DDX46: variants seen among roughly 807,000 people sequenced by gnomAD.
DDX46 encodes DEAD-box helicase 46, also known as probable ATP-dependent RNA helicase DDX46.
In DDX46, 30 loss-of-function variants were observed where a neutral mutation model predicts 134.9. The observed-to-expected ratio is 0.22, with a 90% CI of 0.17 to 0.30. The LOEUF (loss-of-function observed/expected upper bound fraction) is 0.30, where lower values mean the gene tolerates loss of function less well. Ranked by LOEUF, DDX46 falls within the 10% of genes least tolerant of loss-of-function variation. DDX46 has a pLI of 1.00. For synonymous variants in DDX46, 415 were observed against 404.1 expected (o/e 1.03, Z -0.32); for missense variants, 622 against 1,248.7 (o/e 0.50, Z 7.56).
chr5:134,764,572 C>T (rs1234831293), intron 2 of DDX46, among the ~76,000 whole-genome samples: 2 of 152,088 alleles, frequency 1.3e-5, no homozygotes, highest in Non-Finnish European at 2.9e-5. Flanking sequence ...TGTGAGCCAC[C>T]GTGTCCGACC....
intron 3 of DDX46, among the ~76,000 whole-genome samples, chr5:134,769,863 A>G (rs1024706576): frequency 6.6e-6 from 1 of 152,060 alleles, no homozygotes; most frequent in African/African-American, 2.4e-5. Context: ...GGGTTTCACC[A>G]TATTGGCCAG....
rs1267027859 is a variant in DDX46 at position 134,767,019 on chromosome 5, A to G, written c.309A>G (p.Arg103=). 1 of 1,614,020 alleles carries G rather than the reference A, an allele frequency of 6.2e-7. No individual in the cohort carries two copies. Among genetic ancestry groups the G allele is most frequent in the Non-Finnish European group, 8.5e-7 (1 of 1,179,976 alleles). ...SRSRSRGRRS[R]SSSPGNKSKK... ...GTAGAAGCCGGGGCCGGCGATCCCGATCCTCCAGTCCTGGAAATAAAAGCA... is the reference window on the plus strand; with the variant it reads ...GTAGAAGCCGGGGCCGGCGATCCCGGTCCTCCAGTCCTGGAAATAAAAGCA... Residue 103 remains arginine (R), a synonymous_variant, in exon 3 of 23, where the codon CGA becomes CGG. Coordinates refer to ENST00000452510, the MANE Select transcript of DDX46 (RefSeq NM_001300860.2).
chr5:134,772,114 C>T (rs890741990), intron 4 of DDX46, among the ~76,000 whole-genome samples: 1 of 152,118 alleles, frequency 6.6e-6, no homozygotes, highest in African/African-American at 2.4e-5. Context: ...GCCTGTAATC[C>T]CAGCTACTTG....
At position 134,785,620 on chromosome 5, in the gene DDX46, C is replaced by T. The variant is rs748328592; in HGVS notation, c.1464+34C>T. The T allele has an allele frequency of 3.2e-6, 5 of 1,568,584 alleles. No homozygotes were observed. The South Asian group carries it at 6.0e-5, about 19-fold the overall frequency. ...ATAAGAAACATTCATGTTTTCCATT[C>T]TTTTCTCAAGTTGGATGATTCAATA... On this transcript the variant is annotated intron_variant, in intron 11 of 22. Transcript: ENST00000452510.
At chr5:134,770,288 G>A (rs1451766179) in intron 3 of DDX46, among the ~76,000 whole-genome samples, 2 of 150,012 alleles carry the variant, frequency 1.3e-5, no homozygotes, top group South Asian at 4.2e-4. Flanking sequence ...ATAGCTGACT[G>A]CAGCCTCGAA....
chr5:134,830,690 A>C lies in DDX46; in HGVS notation c.*1984A>C, dbSNP rs1355370121. ...ACACATCCACTTAATTTCTTGAAGG[A>C]AGAAAACAGACAAAAGACATGTAAC... On this transcript the variant is annotated 3_prime_UTR_variant, in exon 23 of 23. Transcript: ENST00000452510. The C allele has an allele frequency of 6.6e-6, 1 of 152,662 alleles. No individual in the cohort carries two copies. The highest frequency in any genetic ancestry group is 1.9e-4 in the East Asian group (1 of 5,208). 9.5% of individuals were successfully genotyped at this position (152,662 alleles called of 1,614,324 possible).
rs548975735 is a variant in DDX46, at chr5:134,812,506, C to T, written c.2436+661C>T. Among the ~76,000 whole-genome samples, 58 of 152,170 alleles carry T rather than the reference C, an allele frequency of 3.8e-4. 2 individuals are homozygous for T. The East Asian group carries it at 7.7e-3, about 20-fold the overall frequency. ...ATAATTTTGGAAATCAGAAATTCAA[C>T]CTGATCTTATCATTAGGAAATTGAC... is the stretch of plus-strand genomic sequence containing the variant. On this transcript the variant is annotated intron_variant, in intron 18 of 22. Transcript: ENST00000452510.
In DDX46 at chr5:134,764,313, C is replaced by G. The variant is rs142331813; in HGVS notation, c.206+221C>G. The stretch of plus-strand genomic sequence containing the variant: ...TTTAATCTTTTTTGAGACAGAGCCT[C>G]ACTCTGTTGCTCAGACTGGAGTGCA... On this transcript the variant is annotated intron_variant, in intron 2 of 22. Coordinates refer to ENST00000452510, the MANE Select transcript of DDX46 (RefSeq NM_001300860.2). Among the ~76,000 whole-genome samples, 503 of 150,794 alleles carry G rather than the reference C, an allele frequency of 3.3e-3. 1 individual carries two copies. The highest frequency in any genetic ancestry group is 0.012 in the African/African-American group (482 of 41,116).
At chr5:134,787,419 G>A (rs1012362691) in intron 11 of DDX46, among the ~76,000 whole-genome samples, 3 of 152,146 alleles carry the variant, frequency 2.0e-5, no homozygotes, top group South Asian at 4.1e-4. Context: ...CTAGATAAAT[G>A]GGATAAATTA....
chr5:134,783,409 A>G (rs935977022), intron 9 of DDX46, among the ~76,000 whole-genome samples: 2 of 124,710 alleles, frequency 1.6e-5, no homozygotes, highest in Non-Finnish European at 3.4e-5. Context: ...GTGTGCCACC[A>G]TAGCTGGTTA....
chr5:134,822,922 C>T lies in DDX46; in HGVS notation c.2977+3918C>T, dbSNP rs554047098. ...CATTCTGTATTCTTCAACATAGATT[C>T]ATAATTATTTTATGTAATTTTTAAA... On this transcript the variant is annotated intron_variant, in intron 21 of 22. Coordinates refer to ENST00000452510, the MANE Select transcript of DDX46 (RefSeq NM_001300860.2). Among the ~76,000 whole-genome samples, 4 of 152,140 alleles carry T rather than the reference C, an allele frequency of 2.6e-5. No individual in the cohort carries two copies. In the South Asian group the frequency reaches 8.3e-4, roughly 32 times the overall value.
chr5:134,790,118 G>A (rs973678017), intron 12 of DDX46: 3 of 474,702 alleles, frequency 6.3e-6, no homozygotes, highest in African/African-American at 5.9e-5. Context: ...GATGCTGTCA[G>A]ATAATGGCTG....
intron 18 of DDX46, among the ~76,000 whole-genome samples, chr5:134,814,039 A>G (rs1186768878): frequency 6.6e-6 from 1 of 152,214 alleles, no homozygotes; most frequent in Non-Finnish European, 1.5e-5. Context: ...ACATTATGGT[A>G]GTTTCCTCTT....
chr5:134,814,083 G>A (rs1304921172), intron 18 of DDX46, among the ~76,000 whole-genome samples: 1 of 152,182 alleles, frequency 6.6e-6, no homozygotes, highest in Non-Finnish European at 1.5e-5. Flanking sequence ...GTTAACCACA[G>A]TCTGAAACTA....
At chr5:134,798,855 G>A (rs61452814) in intron 15 of DDX46, among the ~76,000 whole-genome samples, 3,261 of 152,288 alleles carry the variant, frequency 0.021, 99 homozygotes, top group African/African-American at 0.074. Flanking sequence ...TGTATATACA[G>A]CCAGCCCTTC....
chr5:134,759,945 C>T (rs1753326515), intron 1 of DDX46, among the ~76,000 whole-genome samples: 1 of 152,190 alleles, frequency 6.6e-6, no homozygotes, highest in Non-Finnish European at 1.5e-5. Flanking sequence ...TCTCTCACTA[C>T]CCACAGCCTG....
intron 1 of DDX46, among the ~76,000 whole-genome samples, chr5:134,763,068 A>AATAAT: frequency 6.6e-6 from 1 of 151,894 alleles, no homozygotes; most frequent in East Asian, 1.9e-4. Context: ...CAAAAAAAAA[A>AATAAT]AATAATAATA....
intron 3 of DDX46, among the ~76,000 whole-genome samples, chr5:134,769,499 T>C (rs1753690289): frequency 6.6e-6 from 1 of 151,428 alleles, no homozygotes; most frequent in Admixed American, 6.6e-5. Flanking sequence ...CCCAGCTGAT[T>C]TTTGTATTTT....
At position 134,815,818 on chromosome 5, in the gene DDX46, G is replaced by A. The variant is rs78097217; in HGVS notation, c.2437-612G>A. On this transcript the variant is annotated intron_variant, in intron 18 of 22. Transcript: ENST00000452510. ...GCTTGCCTTGATGGGGAAACAACCTGCATTTGTTTCCTTTCTTGATTCAAA... is the reference window on the plus strand; with the variant it reads ...GCTTGCCTTGATGGGGAAACAACCTACATTTGTTTCCTTTCTTGATTCAAA... Among the ~76,000 whole-genome samples the A allele has an allele frequency of 8.2e-3, 1,249 of 151,416 alleles. 17 individuals carry two copies. Among genetic ancestry groups the A allele is most frequent in the African/African-American group, 0.028 (1,137 of 41,170 alleles).
Sources: allele counts gnomAD v4.1 joint callset (sites outside exome capture counted in the v4.1 genomes callset), GRCh38; gene constraint gnomAD v4.1.1; transcripts MANE v1.5; gene names NCBI Gene and HGNC (gene_info 2026-07-23, HGNC 2026-07-21).